DNAH8: variants seen among roughly 807,000 people sequenced by gnomAD.
The protein encoded by DNAH8 is axonemal beta dynein heavy chain 8.
A neutral mutation model predicts 562.1 loss-of-function variants in DNAH8; 382 were observed. The observed-to-expected ratio is 0.68, with a 90% CI of 0.63 to 0.74. DNAH8 has a LOEUF of 0.74. Among genes scored for constraint, DNAH8 ranks in the 30% least tolerant of loss-of-function variants. The pLI, the probability that DNAH8 is intolerant of heterozygous loss-of-function variation, is 0.00. For missense variants in DNAH8, 5,203 were observed against 5,620.4 expected, an observed-to-expected ratio of 0.93 and a Z score of 2.37; for synonymous variants, 1,881 against 1,919.4, an observed-to-expected ratio of 0.98 and a Z score of 0.52.
At chr6:38,947,042 C>A (rs1761486027) in intron 80 of DNAH8, among the ~76,000 whole-genome samples, 1 of 152,158 alleles carries the variant, frequency 6.6e-6, no homozygotes, top group Admixed American at 6.5e-5. Context: ...GCAACAATAA[C>A]CCTGCCACAG....
intron 58 of DNAH8, among the ~76,000 whole-genome samples, chr6:38,891,977 C>A (rs986719175): frequency 1.3e-5 from 2 of 152,144 alleles, no homozygotes; most frequent in African/African-American, 2.4e-5. Flanking sequence ...CTCCCTCTTA[C>A]TTGACTTTTT....
At chr6:38,882,881 A>G in intron 53 of DNAH8, 29 bp from the exon 54 acceptor site, 1 of 1,476,364 alleles carries the variant, frequency 6.8e-7, no homozygotes, top group Non-Finnish European at 9.0e-7. Flanking sequence ...ATATGGTTCT[A>G]TTAAGATGAA....
At chr6:38,897,181 A>G (rs1356267270) in intron 60 of DNAH8, among the ~76,000 whole-genome samples, 2 of 152,204 alleles carry the variant, frequency 1.3e-5, no homozygotes, top group South Asian at 2.1e-4. Context: ...TCATTTTTAA[A>G]TAGTTACCAA....
chr6:38,756,177 C>A, intron 10 of DNAH8, 98 bp downstream of exon 10: 2 of 762,656 alleles, frequency 2.6e-6, no homozygotes, highest in Non-Finnish European at 2.3e-6. Context: ...GCCTAAGTGC[C>A]TCTCAGAGTT....
chr6:38,792,953 C>A (rs1738245), intron 21 of DNAH8, among the ~76,000 whole-genome samples: 96,070 of 151,602 alleles, frequency 0.63, 31,214 homozygotes, highest in East Asian at 0.85. Flanking sequence ...TAATTAAAAA[C>A]ATTTTTTTTG....
At chr6:39,023,784 T>G (rs2395712) in intron 91 of DNAH8, among the ~76,000 whole-genome samples, 21,630 of 152,212 alleles carry the variant, frequency 0.14, 1,681 homozygotes, top group African/African-American at 0.2. Context: ...TGAAAGGACA[T>G]GTATCTTCTC....
chr6:38,868,848 G>A (rs1382373610), intron 48 of DNAH8, among the ~76,000 whole-genome samples: 2 of 151,668 alleles, frequency 1.3e-5, no homozygotes, highest in Non-Finnish European at 2.9e-5. Flanking sequence ...TTTTTGTACT[G>A]TTTTGTAGAG....
chr6:38,915,009 A>G (rs1429265362), intron 67 of DNAH8, among the ~76,000 whole-genome samples, 192 bp from the exon 68 acceptor site: 3 of 152,172 alleles, frequency 2.0e-5, no homozygotes, highest in Non-Finnish European at 4.4e-5. Flanking sequence ...AAAGCTTAGA[A>G]AATGGAAGAC....
chr6:38,834,296 A>T (rs1583137301), intron 31 of DNAH8, among the ~76,000 whole-genome samples: 2 of 152,316 alleles, frequency 1.3e-5, no homozygotes, highest in South Asian at 4.1e-4. Context: ...TGGAAGATAG[A>T]GTGATGAAAA....
Position 39,030,416 on chromosome 6 carries a change from AC to A in DNAH8, c.*26del. On this transcript the variant is annotated 3_prime_UTR_variant, in exon 93 of 93. Coordinates refer to ENST00000327475, the MANE Select transcript of DNAH8 (RefSeq NM_001206927.2). Reference sequence around the variant, plus strand: ...AAGTTCATTTCCATCTGCTCAGGGCACCAGAACCCACATAGACAGCCTGTGC... The same window carrying A: ...AAGTTCATTTCCATCTGCTCAGGGCACAGAACCCACATAGACAGCCTGTGC... 1 of 1,601,106 alleles carries A rather than the reference AC, an allele frequency of 6.2e-7. No homozygotes were observed. Among genetic ancestry groups the A allele is most frequent in the Non-Finnish European group, 8.5e-7 (1 of 1,172,092 alleles).
chr6:38,746,372 A>C (rs1431693975), intron 8 of DNAH8, among the ~76,000 whole-genome samples: 2 of 152,112 alleles, frequency 1.3e-5, no homozygotes, highest in Admixed American at 1.3e-4. Context: ...CTAACACTAG[A>C]TAAATGCTTA....
Position 38,929,438 on chromosome 6 carries a change from A to G in DNAH8, c.11119-73A>G, listed in dbSNP as rs531722724. The G allele has an allele frequency of 8.3e-4, 1,166 of 1,397,244 alleles. 2 individuals carry two copies. Among genetic ancestry groups the G allele is most frequent in the Non-Finnish European group, 1.1e-3 (1,113 of 1,056,536 alleles). 86.6% of individuals were successfully genotyped at this position (1,397,244 alleles called of 1,614,324 possible). ...AAAATTCTTGATTACCTGTCCAACAAATCTCTCGGTTTCCCTTAGCAATGG... is the reference window on the plus strand; with the variant it reads ...AAAATTCTTGATTACCTGTCCAACAGATCTCTCGGTTTCCCTTAGCAATGG... On this transcript the variant is annotated intron_variant, in intron 74 of 92. Transcript: ENST00000327475.
chr6:38,810,821 C>A (rs1030256088), intron 24 of DNAH8, among the ~76,000 whole-genome samples: 4 of 151,802 alleles, frequency 2.6e-5, no homozygotes, highest in Non-Finnish European at 5.9e-5. Flanking sequence ...TTTTTTGTAT[C>A]CCATTGGTTC....
intron 75 of DNAH8, 141 bp from the exon 76 acceptor site, chr6:38,931,670 C>T: frequency 2.1e-6 from 1 of 487,452 alleles, no homozygotes; most frequent in African/African-American, 2.0e-5. Flanking sequence ...TATTTAAGAT[C>T]AGTGATTAAA....
chr6:38,929,689 AAAAGAAAGAAAGAAAGAAAAG>A, intron 75 of DNAH8, 23 bp downstream of exon 75: 3 of 1,497,190 alleles, frequency 2.0e-6, no homozygotes, highest in African/African-American at 1.5e-5. Flanking sequence ...AAAAAAAAAA[AAAAGAAAGAAAGAAAGAAAAG>A]AAAAAGAAAA....
chr6:39,029,595 T>A (rs778980026), intron 92 of DNAH8, among the ~76,000 whole-genome samples: 56 of 152,320 alleles, frequency 3.7e-4, no homozygotes, highest in Non-Finnish European at 7.6e-4. Context: ...TTCCCCTGGC[T>A]CTACCATGCC....
chr6:38,778,560 T>C, intron 14 of DNAH8, 96 bp downstream of exon 14: 1 of 726,256 alleles, frequency 1.4e-6, no homozygotes, highest in East Asian at 2.7e-5. Flanking sequence ...AAATCTGTCC[T>C]ACATAAACCT....
chr6:38,837,076 C>T (rs1774365085), intron 32 of DNAH8, among the ~76,000 whole-genome samples: 1 of 152,106 alleles, frequency 6.6e-6, no homozygotes, highest in Non-Finnish European at 1.5e-5. Context: ...TATTGAATAA[C>T]CACCATGCCA....
chr6:39,016,760 A>T (rs955135563), intron 91 of DNAH8, among the ~76,000 whole-genome samples: 1 of 152,146 alleles, frequency 6.6e-6, no homozygotes, highest in African/African-American at 2.4e-5. Flanking sequence ...GATGCTGTTT[A>T]GTGTGTTTCC....
Sources: gnomAD v4.1 joint callset for allele counts (sites outside exome capture counted in the v4.1 genomes callset) on GRCh38, gnomAD v4.1.1 for gene constraint, MANE v1.5 for transcripts, NCBI Gene and HGNC (gene_info 2026-07-23, HGNC 2026-07-21) for gene names.